Variants in RSPH9 observed in about 807,000 individuals in gnomAD.
RSPH9 encodes the protein radial spoke head protein 9 homolog.
Under a neutral mutation model 27.0 loss-of-function variants are expected in RSPH9, and 27 were observed. The observed-to-expected ratio is 1.00, with a 90% CI of 0.74 to 1.38. The LOEUF (loss-of-function observed/expected upper bound fraction) is 1.38. Among genes scored for constraint, RSPH9 ranks in the 40% most tolerant of loss-of-function variants. The pLI, the probability that RSPH9 is intolerant of heterozygous loss-of-function variation, is 0.00. For synonymous variants in RSPH9, 145 were observed against 147.7 expected, an observed-to-expected ratio of 0.98 and a Z score of 0.13; for missense variants, 347 against 357.4, an observed-to-expected ratio of 0.97 and a Z score of 0.24.
Position 43,652,059 on chromosome 6 carries a change from C to A in RSPH9, c.393+1519C>A, listed in dbSNP as rs533969036. On this transcript the variant is annotated intron_variant, in intron 2 of 4. Transcript: ENST00000372163. ...CGGTGGCTCATGCCTGTAATCCCAGCACTTTGGGAGGCTGAGGCGGGTGGA... is the reference window on the plus strand; with the variant it reads ...CGGTGGCTCATGCCTGTAATCCCAGAACTTTGGGAGGCTGAGGCGGGTGGA... Among the ~76,000 whole-genome samples, 5 of 151,874 alleles carry A rather than the reference C, an allele frequency of 3.3e-5. No individual in the cohort carries two copies. The East Asian group carries it at 8.0e-4, about 24-fold the overall frequency.
chr6:43,667,521 G>C (rs1454941275), intron 4 of RSPH9, among the ~76,000 whole-genome samples: 2 of 152,238 alleles, frequency 1.3e-5, no homozygotes, highest in Non-Finnish European at 2.9e-5. Flanking sequence ...GCGCGGGGGG[G>C]AACATGGTGC....
At chr6:43,646,821 T>G (rs966943162) in intron 1 of RSPH9, among the ~76,000 whole-genome samples, 4 of 151,604 alleles carry the variant, frequency 2.6e-5, no homozygotes, top group Admixed American at 2.0e-4. Flanking sequence ...ACGGGCGTGG[T>G]GGCGGGCGCC....
intron 4 of RSPH9, among the ~76,000 whole-genome samples, chr6:43,662,294 A>G (rs747262040): frequency 6.6e-6 from 1 of 152,102 alleles, no homozygotes; most frequent in Non-Finnish European, 1.5e-5. Context: ...GGCTTAAGAG[A>G]AGGTTGTGGC....
In RSPH9 at chr6:43,671,872, G is replaced by A. The variant is rs904409258; in HGVS notation, c.*923G>A. The A allele has an allele frequency of 1.2e-6, 2 of 1,613,382 alleles. No individual in the cohort carries two copies. The highest frequency in any genetic ancestry group is 2.7e-5 in the African/African-American group (2 of 74,912). On this transcript the variant is annotated 3_prime_UTR_variant, in exon 5 of 5. Transcript: ENST00000372163. Reference sequence around the variant, plus strand: ...CAGCGGGGGCCTTTTTTGTAGATGGGCTTGACGGAGCCAGGAGCCCAGCGC... The same window carrying A: ...CAGCGGGGGCCTTTTTTGTAGATGGACTTGACGGAGCCAGGAGCCCAGCGC...
chr6:43,654,168 G>A (rs935512237), intron 2 of RSPH9, among the ~76,000 whole-genome samples: 3 of 152,138 alleles, frequency 2.0e-5, no homozygotes, highest in African/African-American at 7.2e-5. Context: ...ATGGCAAATA[G>A]GTGGCTCCGT....
rs1770708618 is a variant in RSPH9, at chr6:43,645,146, T to C, written c.48T>C (p.Ser16=). Residue 16 remains serine (S), a synonymous_variant, in exon 1 of 5, where the codon AGT becomes AGC. Transcript: ENST00000372163. ...TGTCTCTGGAGCTGGCGTCCGGCAG[T>C]GGGCAGGGCCTCAGCCCGGACCGTC... ...LLLSLELASG[S]GQGLSPDRRA... 1 of 1,613,374 alleles carries C rather than the reference T, an allele frequency of 6.2e-7. No individual in the cohort carries two copies. Among genetic ancestry groups the C allele is most frequent in the Non-Finnish European group, 8.5e-7 (1 of 1,179,974 alleles).
In RSPH9 at chr6:43,671,369, A is replaced by T; in HGVS notation, c.*420A>T. On this transcript the variant is annotated 3_prime_UTR_variant, in exon 5 of 5. Transcript: ENST00000372163. ...TGACTCATTGGCCCCATCACAAGAG[A>T]TCAGTGACTCAATGCTCAGCACCCA... 2.5e-6 allele frequency: 1 copy of T among 396,984 alleles called. No homozygotes were observed. Among genetic ancestry groups the T allele is most frequent in the East Asian group, 5.4e-5 (1 of 18,674 alleles). The allele number at this position is 396,984 out of a possible 1,614,324, so 24.6% of individuals were successfully genotyped here. A position where few individuals can be genotyped will look rare whatever the true frequency, so the allele number is the denominator to read the frequency against.
intron 4 of RSPH9, 102 bp downstream of exon 4, chr6:43,656,825 T>C: frequency 7.6e-7 from 1 of 1,315,370 alleles, no homozygotes; most frequent in Non-Finnish European, 1.1e-6. Context: ...AAGGGCCTAG[T>C]GGGAATTGGT....
At chr6:43,648,465 C>G (rs977362137) in intron 1 of RSPH9, among the ~76,000 whole-genome samples, 3 of 152,138 alleles carry the variant, frequency 2.0e-5, no homozygotes, top group African/African-American at 7.2e-5. Flanking sequence ...TTTGTGGAAC[C>G]GCATGGAGAC....
chr6:43,655,812 C>T (rs781591034), intron 3 of RSPH9, 121 bp downstream of exon 3: 1 of 1,201,900 alleles, frequency 8.3e-7, no homozygotes, highest in Non-Finnish European at 1.2e-6. Flanking sequence ...GTAGCTGTGA[C>T]CTTATCACCT....
chr6:43,666,746 G>A (rs1462010960), intron 4 of RSPH9, among the ~76,000 whole-genome samples: 3 of 152,176 alleles, frequency 2.0e-5, no homozygotes, highest in Non-Finnish European at 4.4e-5. Flanking sequence ...CAGCCAGGTG[G>A]CATAGATGCA....
In RSPH9 at chr6:43,645,334, GC is replaced by G; in HGVS notation, c.227+14del. ...CGCAAGACGCTCTATAGGTGAGGAG[GC>G]CCCCGGGACGGGCTCCCCAGAGGGT... On this transcript the variant is annotated intron_variant, in intron 1 of 4. Transcript: ENST00000372163. 1 of 1,199,400 alleles carries G rather than the reference GC, an allele frequency of 8.3e-7. No homozygotes were observed. The highest frequency in any genetic ancestry group is 1.1e-6 in the Non-Finnish European group (1 of 932,404). 74.3% of individuals were successfully genotyped at this position (1,199,400 alleles called of 1,614,324 possible).
chr6:43,671,212 G>T lies in RSPH9; in HGVS notation c.*263G>T, dbSNP rs1403856949. 1.0e-5 allele frequency: 6 copies of T among 572,806 alleles called. No individual in the cohort carries two copies. In the East Asian group the frequency reaches 1.8e-4, roughly 17 times the overall value. The allele number at this position is 572,806 out of a possible 1,614,324, so 35.5% of individuals were successfully genotyped here. A position where few individuals can be genotyped will look rare whatever the true frequency, so the allele number is the denominator to read the frequency against. On this transcript the variant is annotated 3_prime_UTR_variant, in exon 5 of 5. Transcript: ENST00000372163. ...GACAACCAGGGCCCCTTTGAGGAAC[G>T]CAGTTTCTTGGATTCACACGAGAGC...
chr6:43,663,667 C>T (rs1457687315), intron 4 of RSPH9, among the ~76,000 whole-genome samples: 1 of 151,794 alleles, frequency 6.6e-6, no homozygotes, highest in Non-Finnish European at 1.5e-5. Context: ...TTCGTGGTGC[C>T]CCAAAACAAT....
chr6:43,671,720 C>A lies in RSPH9; in HGVS notation c.*771C>A. The A allele has an allele frequency of 6.2e-7, 1 of 1,612,916 alleles. No individual in the cohort carries two copies. Among genetic ancestry groups the A allele is most frequent in the Non-Finnish European group, 8.5e-7 (1 of 1,179,200 alleles). On this transcript the variant is annotated 3_prime_UTR_variant, in exon 5 of 5. Coordinates refer to ENST00000372163, the MANE Select transcript of RSPH9 (RefSeq NM_152732.5). ...GGCTTGTGAGTGGGCCTCCTACTCC[C>A]CAGCACAGGTGCAGGAGGAACTCTG...
At chr6:43,669,283 G>A (rs370438388) in intron 4 of RSPH9, among the ~76,000 whole-genome samples, 2 of 152,192 alleles carry the variant, frequency 1.3e-5, no homozygotes, top group Admixed American at 1.3e-4. Flanking sequence ...TGAGCTTTGC[G>A]ATTGGCTTCT....
At chr6:43,667,467 G>C (rs1328942230) in intron 4 of RSPH9, among the ~76,000 whole-genome samples, 2 of 152,224 alleles carry the variant, frequency 1.3e-5, no homozygotes, top group Admixed American at 6.5e-5. Flanking sequence ...GCTGCTGCTG[G>C]TGGTGGTTGA....
intron 1 of RSPH9, among the ~76,000 whole-genome samples, chr6:43,648,555 G>T (rs1291118331): frequency 6.6e-6 from 1 of 152,228 alleles, no homozygotes; most frequent in Non-Finnish European, 1.5e-5. Flanking sequence ...AAACAATCAT[G>T]CAGGGCCTTG....
intron 4 of RSPH9, among the ~76,000 whole-genome samples, chr6:43,662,800 T>A (rs1772767060): frequency 6.6e-6 from 1 of 152,162 alleles, no homozygotes; most frequent in Admixed American, 6.5e-5. Context: ...TCAATTTTTT[T>A]TATTTTTGGT....
Sources: allele counts gnomAD v4.1 joint callset (sites outside exome capture counted in the v4.1 genomes callset), GRCh38; gene constraint gnomAD v4.1.1; transcripts MANE v1.5; gene names NCBI Gene and HGNC (gene_info 2026-07-23, HGNC 2026-07-21).